Variants in MYO3A observed in about 807,000 individuals in gnomAD.
MYO3A encodes myosin IIIA, also known as myosin-IIIa.
MYO3A carries 180 observed loss-of-function variants against 192.7 expected under a neutral mutation model. That is an observed-to-expected ratio of 0.93 (90% CI 0.83 to 1.06). The LOEUF is 1.06. MYO3A is among the 50% of genes least tolerant of loss of function. MYO3A has a pLI of 0.00. For missense variants in MYO3A, 1,896 were observed against 1,905.0 expected (o/e 1.00, Z 0.09); for synonymous variants, 628 against 645.3 (o/e 0.97, Z 0.41).
At chr10:26,055,557 T>G (rs569619179) in intron 10 of MYO3A, among the ~76,000 whole-genome samples, 56 of 152,278 alleles carry the variant, frequency 3.7e-4, no homozygotes, top group African/African-American at 1.3e-3. Context: ...CTGTAGGAGA[T>G]TCCAGTCACA....
chr10:25,974,306 A>G (rs1184367890), intron 4 of MYO3A, among the ~76,000 whole-genome samples: 2 of 152,228 alleles, frequency 1.3e-5, no homozygotes, highest in African/African-American at 4.8e-5. Context: ...TTTAAAAGGT[A>G]TAAATTCAAA....
At chr10:26,011,655 G>A (rs551958877) in intron 6 of MYO3A, among the ~76,000 whole-genome samples, 57 of 152,188 alleles carry the variant, frequency 3.7e-4, no homozygotes, top group African/African-American at 1.1e-3. Flanking sequence ...TCCAGGACCA[G>A]ACCTATTCAC....
At chr10:26,119,313 A>G (rs968354847) in intron 17 of MYO3A, among the ~76,000 whole-genome samples, 4 of 151,760 alleles carry the variant, frequency 2.6e-5, no homozygotes, top group African/African-American at 9.7e-5. Context: ...TTATTTTCCT[A>G]CTGTCTGCCT....
chr10:26,129,201 G>T (rs2131753257), intron 20 of MYO3A, among the ~76,000 whole-genome samples: 1 of 152,184 alleles, frequency 6.6e-6, no homozygotes, highest in Admixed American at 6.5e-5. Context: ...ATTTAAATTA[G>T]AGGTACATGA....
intron 31 of MYO3A, among the ~76,000 whole-genome samples, chr10:26,181,084 C>T (rs572684243): frequency 9.3e-4 from 142 of 152,126 alleles, no homozygotes; most frequent in African/African-American, 3.3e-3. Context: ...TAAAATTGAC[C>T]TGAGTATTTA....
At chr10:26,106,977 C>T (rs888316438) in intron 17 of MYO3A, among the ~76,000 whole-genome samples, 1 of 151,828 alleles carries the variant, frequency 6.6e-6, no homozygotes, top group African/African-American at 2.4e-5. Flanking sequence ...TGCCAGTGAG[C>T]TTTTTTCTTT....
intron 10 of MYO3A, among the ~76,000 whole-genome samples, chr10:26,063,288 A>T (rs34135459): frequency 0.47 from 71,868 of 151,972 alleles, 17,833 homozygotes; most frequent in Middle Eastern, 0.59. Flanking sequence ...CACAGTGCAG[A>T]TGTTTATAAT....
At position 26,096,412 on chromosome 10, in the gene MYO3A, A is replaced by T. The variant is rs1452112413; in HGVS notation, c.1594A>T (p.Ile532Phe). The T allele has an allele frequency of 6.2e-7, 1 of 1,613,420 alleles. No individual in the cohort carries two copies. The highest frequency in any genetic ancestry group is 2.2e-5 in the East Asian group (1 of 44,824). ...GEKNFHIFYYIYAGLAEKKKL... is the reference protein window; with the variant it reads ...GEKNFHIFYYFYAGLAEKKKL... ...AAAAAATTTTCATATTTTTTACTACATTTATGCTGGTTTGGCTGAAAAGAA... is the reference window on the plus strand; with the variant it reads ...AAAAAATTTTCATATTTTTTACTACTTTTATGCTGGTTTGGCTGAAAAGAA... The change falls in exon 16 of 35, where the codon ATT (isoleucine) becomes TTT (phenylalanine). Residue 532 changes from isoleucine to phenylalanine, a missense_variant. Ile to Phe is a conservative substitution (Grantham distance 21, BLOSUM62 0). Coordinates refer to ENST00000642920, the MANE Select transcript of MYO3A (RefSeq NM_017433.5).
At chr10:26,019,415 C>A (rs1043244402) in intron 7 of MYO3A, among the ~76,000 whole-genome samples, 1 of 152,068 alleles carries the variant, frequency 6.6e-6, no homozygotes, top group Admixed American at 6.6e-5. Flanking sequence ...CCTGCCAACA[C>A]GCCTGGCTAA....
intron 20 of MYO3A, among the ~76,000 whole-genome samples, chr10:26,139,223 C>CA (rs1413957210): frequency 6.6e-6 from 1 of 152,040 alleles, no homozygotes; most frequent in Non-Finnish European, 1.5e-5. Context: ...TTTCCCCCAT[C>CA]AAAAATAGAT....
chr10:26,152,413 A>G (rs1192284618), intron 23 of MYO3A, among the ~76,000 whole-genome samples: 1 of 152,192 alleles, frequency 6.6e-6, no homozygotes, highest in Non-Finnish European at 1.5e-5. Flanking sequence ...CCAATGGAAA[A>G]TGTTAGAGTT....
At chr10:26,029,512 T>C (rs1431166002) in intron 10 of MYO3A, among the ~76,000 whole-genome samples, 2 of 152,228 alleles carry the variant, frequency 1.3e-5, no homozygotes, top group African/African-American at 4.8e-5. Flanking sequence ...AATTTTCTCA[T>C]AGAACTGGGC....
intron 14 of MYO3A, among the ~76,000 whole-genome samples, chr10:26,081,133 T>TTCCCCCCCCCCCC (rs1835903762): frequency 1.2e-5 from 1 of 84,940 alleles, no homozygotes; most frequent in Non-Finnish European, 2.5e-5. Context: ...TATATGCCCT[T>TTCCCCCCCCCCCC]CCCCCCCCCC....
At chr10:26,096,234 CA>C in intron 15 of MYO3A, 146 bp from the exon 16 acceptor site, 1 of 637,480 alleles carries the variant, frequency 1.6e-6, no homozygotes, top group Non-Finnish European at 2.8e-6. Flanking sequence ...ATAATGACAA[CA>C]ATAATGACCA....
intron 15 of MYO3A, among the ~76,000 whole-genome samples, chr10:26,090,231 G>T: frequency 6.6e-6 from 1 of 152,260 alleles, no homozygotes; most frequent in Non-Finnish European, 1.5e-5. Flanking sequence ...TATAATTCAC[G>T]GTGTATTCTA....
At chr10:26,093,955 G>GTC (rs1156955670) in intron 15 of MYO3A, among the ~76,000 whole-genome samples, 1 of 152,064 alleles carries the variant, frequency 6.6e-6, no homozygotes, top group Non-Finnish European at 1.5e-5. Context: ...TTCACTCAGG[G>GTC]GAGAGTTTCA....
intron 4 of MYO3A, 61 bp from the exon 5 acceptor site, chr10:25,996,429 T>A: frequency 7.0e-7 from 1 of 1,432,852 alleles, no homozygotes; most frequent in South Asian, 1.2e-5. Flanking sequence ...GAAGAACTTT[T>A]CTAGAAAGAA....
intron 3 of MYO3A, among the ~76,000 whole-genome samples, chr10:25,952,532 T>C (rs1199107947): frequency 2.0e-5 from 3 of 152,106 alleles, no homozygotes; most frequent in Non-Finnish European, 2.9e-5. Context: ...CCGACGATAT[T>C]ATTAAAGTTG....
intron 31 of MYO3A, among the ~76,000 whole-genome samples, chr10:26,184,640 A>G (rs1842777221): frequency 6.6e-6 from 1 of 152,182 alleles, no homozygotes; most frequent in South Asian, 2.1e-4. Flanking sequence ...TAGGTGATTC[A>G]TTATCCAAAA....
Sources: gnomAD v4.1 joint callset for allele counts (sites outside exome capture counted in the v4.1 genomes callset) on GRCh38, gnomAD v4.1.1 for gene constraint, MANE v1.5 for transcripts, NCBI Gene and HGNC (gene_info 2026-07-23, HGNC 2026-07-21) for gene names.